CFAP299: variants seen among roughly 807,000 people sequenced by gnomAD.
CFAP299 encodes cilia- and flagella-associated protein 299.
Under a neutral mutation model 27.0 loss-of-function variants are expected in CFAP299, and 21 were observed. That is an observed-to-expected ratio of 0.78 (90% CI 0.55 to 1.12). The LOEUF (loss-of-function observed/expected upper bound fraction) is 1.12. Among genes scored for constraint, CFAP299 ranks in the 50% most tolerant of loss-of-function variants. The probability of loss-of-function intolerance (pLI) is 0.00; values close to 1 mark genes in which losing one functional copy is unlikely to be tolerated. For synonymous variants in CFAP299, 104 were observed against 98.1 expected (o/e 1.06, Z -0.36); for missense variants, 310 against 276.6 (o/e 1.12, Z -0.86).
Position 80,437,182 on chromosome 4 carries a change from C to T in CFAP299, c.242+74298C>T, listed in dbSNP as rs546918053. Among the ~76,000 whole-genome samples, 131 of 152,158 alleles carry T rather than the reference C, an allele frequency of 8.6e-4. 1 individual carries two copies. Among genetic ancestry groups the T allele is most frequent in the African/African-American group, 3.0e-3 (126 of 41,516 alleles). On this transcript the variant is annotated intron_variant, in intron 2 of 5. Transcript: ENST00000358105. ...CATCTAGGTGAAAGGGAATTTGAGG[C>T]AATGTTTCTAAGGTGTTATTTGATA...
At chr4:80,597,976 C>T (rs1404244531) in intron 3 of CFAP299, among the ~76,000 whole-genome samples, 1 of 152,162 alleles carries the variant, frequency 6.6e-6, no homozygotes, top group African/African-American at 2.4e-5. Context: ...CATGAGCCGC[C>T]GTACCCGTTC....
chr4:80,752,758 T>C (rs1398053518), intron 3 of CFAP299, among the ~76,000 whole-genome samples: 2 of 152,128 alleles, frequency 1.3e-5, no homozygotes, highest in South Asian at 2.1e-4. Flanking sequence ...TTTTATTTTA[T>C]CTCCACTATT....
At chr4:80,394,179 A>G (rs1488271193) in intron 2 of CFAP299, among the ~76,000 whole-genome samples, 1 of 152,172 alleles carries the variant, frequency 6.6e-6, no homozygotes, top group Non-Finnish European at 1.5e-5. Flanking sequence ...CCCTTTATAT[A>G]TTACCCAGTC....
chr4:80,880,009 C>T (rs1422518102), intron 4 of CFAP299, among the ~76,000 whole-genome samples: 1 of 151,974 alleles, frequency 6.6e-6, no homozygotes, highest in African/African-American at 2.4e-5. Flanking sequence ...GTTTAAATTC[C>T]AGGATAAACT....
At chr4:80,451,500 C>T (rs966734229) in intron 2 of CFAP299, among the ~76,000 whole-genome samples, 10 of 152,142 alleles carry the variant, frequency 6.6e-5, no homozygotes, top group African/African-American at 2.4e-4. Flanking sequence ...ATTAATTGAG[C>T]TTATTTTCTC....
At chr4:80,651,634 G>A (rs553989015) in intron 3 of CFAP299, among the ~76,000 whole-genome samples, 1 of 151,358 alleles carries the variant, frequency 6.6e-6, no homozygotes, top group South Asian at 2.1e-4. Context: ...CAAAGTGCTG[G>A]AATTACAGGA....
chr4:80,340,968 G>A (rs889746316), intron 1 of CFAP299, among the ~76,000 whole-genome samples: 6 of 152,080 alleles, frequency 3.9e-5, no homozygotes, highest in Non-Finnish European at 8.8e-5. Context: ...TAGAGACAGG[G>A]TTTCACTGTG....
chr4:80,927,627 T>A (rs1736371770), intron 4 of CFAP299, among the ~76,000 whole-genome samples: 1 of 152,128 alleles, frequency 6.6e-6, no homozygotes, highest in Admixed American at 6.6e-5. Flanking sequence ...AATCTGCTCC[T>A]AAATTCATTT....
chr4:80,354,195 C>T lies in CFAP299; in HGVS notation c.112-8559C>T, dbSNP rs142255624. On this transcript the variant is annotated intron_variant, in intron 1 of 5. Transcript: ENST00000358105. ...TGGTGAATCTCACTAGTAATCAAAGCAATACAAATCAAATTAGGATTTCAT... is the reference window on the plus strand; with the variant it reads ...TGGTGAATCTCACTAGTAATCAAAGTAATACAAATCAAATTAGGATTTCAT... Among the ~76,000 whole-genome samples the T allele has an allele frequency of 3.6e-3, 553 of 152,210 alleles. 1 individual carries two copies. Among genetic ancestry groups the T allele is most frequent in the Non-Finnish European group, 5.9e-3 (400 of 67,980 alleles).
rs775122068 is a variant in CFAP299, at chr4:80,362,859, A to G, written c.217A>G (p.Arg73Gly). 1.9e-6 allele frequency: 3 copies of G among 1,611,498 alleles called. No homozygotes were observed. The highest frequency in any genetic ancestry group is 4.5e-5 in the East Asian group (2 of 44,726). The change falls in exon 2 of 6, where the codon AGA (arginine) becomes GGA (glycine). Residue 73 changes from arginine (R) to glycine (G), a missense_variant. Physicochemically the swap from Arg to Gly is moderately radical, Grantham distance 125 (BLOSUM62 -2). Transcript: ENST00000358105. ...AAGGAAAGCGGCTATAGAGATTGCA[A>G]GACTGGCTGAAAGAGCTCAGCAAAA... ...EARKAAIEIA[R>G]LAERAQQKTL...
intron 2 of CFAP299, among the ~76,000 whole-genome samples, chr4:80,516,744 A>G (rs1462500707): frequency 6.6e-6 from 1 of 152,142 alleles, no homozygotes; most frequent in African/African-American, 2.4e-5. Flanking sequence ...GGAGATAGGA[A>G]ATTTCGTTAT....
chr4:80,374,920 T>C (rs150003125), intron 2 of CFAP299, among the ~76,000 whole-genome samples: 1 of 152,162 alleles, frequency 6.6e-6, no homozygotes, highest in African/African-American at 2.4e-5. Context: ...TGCATATGAC[T>C]TAACTGCGGG....
intron 3 of CFAP299, among the ~76,000 whole-genome samples, chr4:80,775,193 A>T (rs1726461008): frequency 1.3e-5 from 2 of 151,994 alleles, no homozygotes; most frequent in African/African-American, 4.8e-5. Flanking sequence ...TAGGTAACCC[A>T]TATATAAACC....
At chr4:80,840,132 T>C (rs933182714) in intron 3 of CFAP299, among the ~76,000 whole-genome samples, 1 of 152,170 alleles carries the variant, frequency 6.6e-6, no homozygotes, top group African/African-American at 2.4e-5. Context: ...AATCTTTTTA[T>C]GAAAAATATA....
At position 80,799,873 on chromosome 4, in the gene CFAP299, T is replaced by TA. The variant is rs1491099835; in HGVS notation, c.334-70120_334-70119insA. On this transcript the variant is annotated intron_variant, in intron 3 of 5. Transcript: ENST00000358105. ...AATATATAAATATATATTATATATA[T>TA]TATATTATATAATATATAAATTATA... Among the ~76,000 whole-genome samples, 103 of 32,286 alleles carry TA rather than the reference T, an allele frequency of 3.2e-3. 3 individuals carry two copies. Among genetic ancestry groups the TA allele is most frequent in the African/African-American group, 0.014 (92 of 6,698 alleles). 21.2% of individuals were successfully genotyped at this position (32,286 alleles called of 152,430 possible). A position where few individuals can be genotyped will look rare whatever the true frequency, so the allele number is the denominator to read the frequency against.
At chr4:80,779,488 T>C (rs1726749045) in intron 3 of CFAP299, among the ~76,000 whole-genome samples, 1 of 152,046 alleles carries the variant, frequency 6.6e-6, no homozygotes, top group Non-Finnish European at 1.5e-5. Flanking sequence ...ATATGAGTTA[T>C]TTGTCTTCTT....
At chr4:80,882,599 C>A (rs1733763931) in intron 4 of CFAP299, among the ~76,000 whole-genome samples, 1 of 151,102 alleles carries the variant, frequency 6.6e-6, no homozygotes, top group Non-Finnish European at 1.5e-5. Flanking sequence ...GATAGCGCCG[C>A]TGCACTCAGG....
the CFAP299 span, among the ~76,000 whole-genome samples, chr4:80,323,326 A>G: frequency 3.3e-5 from 5 of 152,246 alleles, no homozygotes; most frequent in Middle Eastern, 3.2e-3. Flanking sequence ...CATTTCTCAC[A>G]GTTAACTTTA....
chr4:80,721,877 A>T (rs903463528), intron 3 of CFAP299, among the ~76,000 whole-genome samples: 1 of 152,182 alleles, frequency 6.6e-6, no homozygotes, highest in Non-Finnish European at 1.5e-5. Context: ...TCAAGAAAAA[A>T]GACAAAATAA....
Sources: gnomAD v4.1 joint callset for allele counts (sites outside exome capture counted in the v4.1 genomes callset) on GRCh38, gnomAD v4.1.1 for gene constraint, MANE v1.5 for transcripts, NCBI Gene and HGNC (gene_info 2026-07-23, HGNC 2026-07-21) for gene names.